The following RPS6KA5 variants were observed in gnomAD, a reference collection of about 807,000 sequenced individuals.
RPS6KA5 encodes ribosomal protein S6 kinase A5.
RPS6KA5 carries 27 observed loss-of-function variants against 85.5 expected under a neutral mutation model. That is an observed-to-expected ratio of 0.32 (90% CI 0.23 to 0.44). The LOEUF is 0.44. RPS6KA5 is among the 20% of genes least tolerant of loss of function. The pLI is 1.00. For missense variants in RPS6KA5, 811 were observed against 980.9 expected (o/e 0.83, Z 2.31); for synonymous variants, 334 against 348.2 (o/e 0.96, Z 0.46).
intron 1 of RPS6KA5, among the ~76,000 whole-genome samples, chr14:91,036,597 G>T (rs1442343442): frequency 6.6e-6 from 1 of 152,212 alleles, no homozygotes; most frequent in Non-Finnish European, 1.5e-5. Context: ...GCTGGAAGGT[G>T]AAGTAAAGGA....
At chr14:91,018,247 C>G (rs1473269705) in intron 1 of RPS6KA5, among the ~76,000 whole-genome samples, 1 of 152,156 alleles carries the variant, frequency 6.6e-6, no homozygotes, top group Non-Finnish European at 1.5e-5. Context: ...TGAATATTTC[C>G]TTATTTTGTT....
chr14:90,940,597 CCA>C (rs1400391257), intron 5 of RPS6KA5, among the ~76,000 whole-genome samples: 1 of 152,188 alleles, frequency 6.6e-6, no homozygotes, highest in African/African-American at 2.4e-5. Flanking sequence ...AAATGATCTG[CCA>C]CACACACCTA....
intron 8 of RPS6KA5, 50 bp downstream of exon 8, chr14:90,906,099 C>T (rs748836482): frequency 2.0e-6 from 3 of 1,497,890 alleles, no homozygotes; most frequent in South Asian, 1.4e-5. Flanking sequence ...CGCCAAGGAC[C>T]CTGAAAACGG....
intron 6 of RPS6KA5, among the ~76,000 whole-genome samples, chr14:90,922,735 T>A (rs2036467432): frequency 1.3e-5 from 2 of 152,144 alleles, no homozygotes; most frequent in African/African-American, 4.8e-5. Flanking sequence ...AGGCCCTTAA[T>A]TTTTTAAAAG....
At chr14:90,946,857 G>A (rs1477506102) in intron 4 of RPS6KA5, among the ~76,000 whole-genome samples, 2 of 152,176 alleles carry the variant, frequency 1.3e-5, no homozygotes, top group African/African-American at 4.8e-5. Context: ...TAAACTGATT[G>A]TTACAGTTTG....
At chr14:90,911,455 T>C (rs531313268) in intron 7 of RPS6KA5, 104 of 152,356 alleles carry the variant, frequency 6.8e-4, no homozygotes, top group Admixed American at 1.4e-3. Context: ...TTCCATTTCA[T>C]GACTTAACGT....
At chr14:90,961,962 C>T (rs1034329249) in intron 3 of RPS6KA5, among the ~76,000 whole-genome samples, 3 of 152,066 alleles carry the variant, frequency 2.0e-5, no homozygotes, top group African/African-American at 4.8e-5. Context: ...ATGGTTCTTG[C>T]CAGAGATTAG....
rs2031957417 is a variant in RPS6KA5 at position 90,850,635 on chromosome 14, C to A, written c.*21439G>T. ...ACATCAAAGTAGTGAGGTAGCAGCC[C>A]CCACTTTCCCAAAAAGTTTTCAGGA... is the stretch of plus-strand genomic sequence containing the variant. On this transcript the variant is annotated 3_prime_UTR_variant, in exon 17 of 17. Coordinates refer to ENST00000614987, the MANE Select transcript of RPS6KA5 (RefSeq NM_004755.4). 1 of 152,178 alleles carries A rather than the reference C, an allele frequency of 6.6e-6. No homozygotes were observed. The highest frequency in any genetic ancestry group is 2.4e-5 in the African/African-American group (1 of 41,428). 9.4% of individuals were successfully genotyped at this position (152,178 alleles called of 1,614,324 possible). A position where few individuals can be genotyped will look rare whatever the true frequency, so the allele number is the denominator to read the frequency against.
intron 1 of RPS6KA5, among the ~76,000 whole-genome samples, chr14:91,055,536 T>C (rs371585947): frequency 3.3e-5 from 5 of 152,290 alleles, no homozygotes; most frequent in African/African-American, 1.2e-4. Flanking sequence ...TCTCAGTACT[T>C]TGGGAGGCCC....
rs2033047619 is a variant in RPS6KA5, at chr14:90,870,790, C to A, written c.*1284G>T. Reference sequence around the variant, plus strand: ...TGGCTTTAAAAGAAAATATAACACACAAACCCTATCACTTCTTTTTTTTTT... The same window carrying A: ...TGGCTTTAAAAGAAAATATAACACAAAAACCCTATCACTTCTTTTTTTTTT... On this transcript the variant is annotated 3_prime_UTR_variant, in exon 17 of 17. Coordinates refer to ENST00000614987, the MANE Select transcript of RPS6KA5 (RefSeq NM_004755.4). 1.4e-5 allele frequency: 2 copies of A among 145,268 alleles called. No homozygotes were observed. The highest frequency in any genetic ancestry group is 6.9e-5 in the Admixed American group (1 of 14,500). 9.0% of individuals were successfully genotyped at this position (145,268 alleles called of 1,614,324 possible).
chr14:90,936,887 A>C (rs1240411234), intron 5 of RPS6KA5, among the ~76,000 whole-genome samples: 4 of 152,152 alleles, frequency 2.6e-5, no homozygotes, highest in Non-Finnish European at 5.9e-5. Context: ...ATTTTGGTGG[A>C]AGATTACTTC....
intron 1 of RPS6KA5, among the ~76,000 whole-genome samples, chr14:91,020,303 A>T (rs1158700547): frequency 3.3e-5 from 5 of 152,024 alleles, no homozygotes; most frequent in Admixed American, 1.3e-4. Flanking sequence ...AAAAAAAGTG[A>T]TGAAACATAA....
intron 3 of RPS6KA5, among the ~76,000 whole-genome samples, chr14:90,960,400 T>A (rs907822327): frequency 5.3e-5 from 8 of 152,150 alleles, no homozygotes; most frequent in Non-Finnish European, 1.2e-4. Flanking sequence ...TGTTATTCTC[T>A]CAAAAGGAAT....
chr14:90,983,779 TTCTTTCTTTCTCTC>T (rs1280630651), intron 2 of RPS6KA5, among the ~76,000 whole-genome samples: 1 of 141,642 alleles, frequency 7.1e-6, no homozygotes, highest in African/African-American at 2.7e-5. Context: ...TTTCCTTTCT[TTCTTTCTTTCTCTC>T]TCTCTCTCTC....
chr14:90,926,261 C>T (rs142156138), intron 5 of RPS6KA5, among the ~76,000 whole-genome samples: 9 of 151,552 alleles, frequency 5.9e-5, no homozygotes, highest in Admixed American at 3.3e-4. Context: ...CATGGTGGCA[C>T]GTGCCTGTAG....
At chr14:90,978,235 T>G (rs1373186490) in intron 3 of RPS6KA5, 71 bp downstream of exon 3, 6 of 1,164,068 alleles carry the variant, frequency 5.2e-6, no homozygotes, top group Non-Finnish European at 7.3e-6. Context: ...ATCTTGCCCT[T>G]TAAGTACATT....
chr14:91,026,351 T>C (rs570967228), intron 1 of RPS6KA5, among the ~76,000 whole-genome samples: 1 of 152,154 alleles, frequency 6.6e-6, no homozygotes, highest in Non-Finnish European at 1.5e-5. Context: ...TCACCTCAGC[T>C]TCCCTAGGAG....
At chr14:91,000,119 T>A (rs1330560946) in intron 2 of RPS6KA5, among the ~76,000 whole-genome samples, 1 of 152,192 alleles carries the variant, frequency 6.6e-6, no homozygotes, top group Non-Finnish European at 1.5e-5. Flanking sequence ...TAGAGATTTT[T>A]CTGCATACAA....
At chr14:90,938,744 G>T (rs966943580) in intron 5 of RPS6KA5, among the ~76,000 whole-genome samples, 6 of 152,208 alleles carry the variant, frequency 3.9e-5, no homozygotes, top group African/African-American at 9.6e-5. Flanking sequence ...GTAGCAGCTG[G>T]GAAGCAGGGC....
Sources: allele counts gnomAD v4.1 joint callset (sites outside exome capture counted in the v4.1 genomes callset), GRCh38; gene constraint gnomAD v4.1.1; transcripts MANE v1.5; gene names NCBI Gene and HGNC (gene_info 2026-07-23, HGNC 2026-07-21).